Variants in GTF2F2 observed in about 807,000 individuals in gnomAD.
The protein encoded by GTF2F2 is general transcription factor IIF subunit 2, also known as ATP-dependent helicase GTF2F2.
GTF2F2 carries 23 observed loss-of-function variants against 42.2 expected under a neutral mutation model. The observed-to-expected ratio is 0.55, with a 90% CI of 0.39 to 0.77. The LOEUF (loss-of-function observed/expected upper bound fraction) is 0.77. Among genes scored for constraint, GTF2F2 ranks in the 30% least tolerant of loss-of-function variants. The probability of loss-of-function intolerance (pLI) is 0.00; values close to 1 mark genes in which losing one functional copy is unlikely to be tolerated. For missense variants in GTF2F2, 261 were observed against 287.2 expected (o/e 0.91, Z 0.66); for synonymous variants, 105 against 100.8 (o/e 1.04, Z -0.25).
At chr13:45,141,071 A>G (rs1356478857) in intron 2 of GTF2F2, among the ~76,000 whole-genome samples, 1 of 152,232 alleles carries the variant, frequency 6.6e-6, no homozygotes, top group Non-Finnish European at 1.5e-5. Flanking sequence ...TTCTCCTTCC[A>G]TGTAATATTC....
chr13:45,207,141 T>C, intron 4 of GTF2F2: 1 of 302,370 alleles, frequency 3.3e-6, no homozygotes, highest in Non-Finnish European at 6.2e-6. Flanking sequence ...TTTTATGCCC[T>C]TTTAAGCTAC....
intron 2 of GTF2F2, among the ~76,000 whole-genome samples, chr13:45,148,806 T>G (rs1013928544): frequency 1.3e-5 from 2 of 152,136 alleles, no homozygotes; most frequent in Non-Finnish European, 2.9e-5. Flanking sequence ...TAAAAAAAAT[T>G]AAAATTTAAA....
intron 7 of GTF2F2, among the ~76,000 whole-genome samples, chr13:45,272,154 C>G (rs904642971): frequency 3.3e-5 from 5 of 149,482 alleles, no homozygotes; most frequent in Admixed American, 6.6e-5. Flanking sequence ...ATTGACAGCC[C>G]TCTTTAAGAC....
intron 4 of GTF2F2, among the ~76,000 whole-genome samples, chr13:45,181,666 C>T (rs140798719): frequency 7.2e-5 from 11 of 152,086 alleles, no homozygotes; most frequent in East Asian, 1.9e-4. Flanking sequence ...CTTCATATTT[C>T]GGCTATATAA....
intron 7 of GTF2F2, among the ~76,000 whole-genome samples, chr13:45,280,692 G>A (rs1218059906): frequency 6.6e-6 from 1 of 152,122 alleles, no homozygotes; most frequent in East Asian, 1.9e-4. Context: ...AAATGAGGGT[G>A]GACATGAAAA....
intron 7 of GTF2F2, among the ~76,000 whole-genome samples, chr13:45,283,181 T>C (rs532702504): frequency 1.3e-5 from 2 of 152,244 alleles, no homozygotes; most frequent in South Asian, 2.1e-4. Context: ...TTTTTTTGTT[T>C]GTTTGTTTTA....
At chr13:45,258,075 T>G (rs1429251366) in intron 6 of GTF2F2, among the ~76,000 whole-genome samples, 2 of 152,118 alleles carry the variant, frequency 1.3e-5, no homozygotes, top group African/African-American at 4.8e-5. Flanking sequence ...TATCAGTCAA[T>G]CTTTGAGGTG....
intron 4 of GTF2F2, among the ~76,000 whole-genome samples, chr13:45,183,249 A>G (rs1180550013): frequency 2.0e-5 from 3 of 152,160 alleles, no homozygotes; most frequent in Non-Finnish European, 4.4e-5. Flanking sequence ...TCTATCTGTT[A>G]GAATTAACTC....
chr13:45,159,674 A>C (rs9534048), intron 4 of GTF2F2, among the ~76,000 whole-genome samples: 26,094 of 152,094 alleles, frequency 0.17, 2,565 homozygotes, highest in Non-Finnish European at 0.22. Flanking sequence ...GGGTTTTGCC[A>C]TGTTGCCTAG....
chr13:45,197,648 G>A (rs757338735), intron 4 of GTF2F2, among the ~76,000 whole-genome samples: 17 of 152,152 alleles, frequency 1.1e-4, no homozygotes, highest in Non-Finnish European at 2.1e-4. Flanking sequence ...TGGTACACAT[G>A]CCCCTTAGGA....
intron 5 of GTF2F2, among the ~76,000 whole-genome samples, chr13:45,224,748 G>A (rs894381745): frequency 2.6e-5 from 4 of 152,162 alleles, no homozygotes; most frequent in Non-Finnish European, 5.9e-5. Flanking sequence ...ACTCTATTAA[G>A]CTGTTGATTG....
chr13:45,168,582 A>G (rs1485544084), intron 4 of GTF2F2, among the ~76,000 whole-genome samples: 2 of 151,828 alleles, frequency 1.3e-5, no homozygotes, highest in Non-Finnish European at 2.9e-5. Context: ...TCCAACCCTC[A>G]GTGTTTTCTG....
intron 5 of GTF2F2, among the ~76,000 whole-genome samples, chr13:45,245,666 A>AATATATATATATATATAT (rs372488927): frequency 1.4e-4 from 16 of 110,836 alleles, no homozygotes; most frequent in African/African-American, 4.3e-4. Context: ...CCATGGTGTG[A>AATATATATATATATATAT]ATATATATAT....
intron 4 of GTF2F2, among the ~76,000 whole-genome samples, chr13:45,166,655 G>T (rs1044850463): frequency 1.2e-4 from 19 of 152,172 alleles, no homozygotes; most frequent in Admixed American, 1.0e-3. Flanking sequence ...TTAGGGAATA[G>T]GGGGCTTTAA....
chr13:45,225,857 T>A (rs140084248), intron 5 of GTF2F2, among the ~76,000 whole-genome samples: 1 of 152,318 alleles, frequency 6.6e-6, no homozygotes, highest in Non-Finnish European at 1.5e-5. Context: ...GTTGTACTTA[T>A]TTGTTTCAAT....
chr13:45,139,617 C>T (rs1869818939), intron 2 of GTF2F2, among the ~76,000 whole-genome samples: 2 of 152,154 alleles, frequency 1.3e-5, no homozygotes, highest in South Asian at 2.1e-4. Context: ...ATCTCCCTTA[C>T]CCTCTTATTA....
chr13:45,180,748 G>A (rs1365522197), intron 4 of GTF2F2, among the ~76,000 whole-genome samples: 2 of 151,646 alleles, frequency 1.3e-5, no homozygotes, highest in African/African-American at 4.8e-5. Flanking sequence ...GTGTCCTAAT[G>A]TTTTCTTTAG....
chr13:45,140,570 G>A (rs1869876981), intron 2 of GTF2F2, among the ~76,000 whole-genome samples: 1 of 152,090 alleles, frequency 6.6e-6, no homozygotes. Context: ...TTATTTATTT[G>A]TATATTTAAG....
At chr13:45,252,265 C>A (rs1181682312) in intron 5 of GTF2F2, among the ~76,000 whole-genome samples, 1 of 152,098 alleles carries the variant, frequency 6.6e-6, no homozygotes, top group Non-Finnish European at 1.5e-5. Flanking sequence ...ACCTCAGCCT[C>A]CTGAGTAACT....
Sources: gnomAD v4.1 joint callset for allele counts (sites outside exome capture counted in the v4.1 genomes callset) on GRCh38, gnomAD v4.1.1 for gene constraint, MANE v1.5 for transcripts, NCBI Gene and HGNC (gene_info 2026-07-23, HGNC 2026-07-21) for gene names.